The following ST3GAL3 variants were observed in gnomAD, a reference collection of about 807,000 sequenced individuals.
The protein encoded by ST3GAL3 is ST3 beta-galactoside alpha-2,3-sialyltransferase 3.
A neutral mutation model predicts 50.1 loss-of-function variants in ST3GAL3; 21 were observed. That is an observed-to-expected ratio of 0.42 (90% CI 0.30 to 0.60). ST3GAL3 has a LOEUF of 0.60. ST3GAL3 is among the 20% of genes least tolerant of loss of function. The probability of loss-of-function intolerance (pLI) is 0.19; values close to 1 mark genes in which losing one functional copy is unlikely to be tolerated. For synonymous variants in ST3GAL3, 183 were observed against 190.0 expected (o/e 0.96, Z 0.30); for missense variants, 353 against 489.4 (o/e 0.72, Z 2.63).
At chr1:43,733,680 G>A (rs1326833908) in intron 1 of ST3GAL3, among the ~76,000 whole-genome samples, 2 of 152,092 alleles carry the variant, frequency 1.3e-5, no homozygotes, top group East Asian at 1.9e-4. Context: ...AAATTTCTTG[G>A]CCCTTCTTGG....
chr1:43,928,490 C>G (rs1474148697), intron 11 of ST3GAL3, among the ~76,000 whole-genome samples: 1 of 152,122 alleles, frequency 6.6e-6, no homozygotes, highest in Non-Finnish European at 1.5e-5. Flanking sequence ...GTTCCAGCTA[C>G]TCAGATGACT....
intron 2 of ST3GAL3, among the ~76,000 whole-genome samples, chr1:43,773,762 A>G (rs1696188798): frequency 6.6e-6 from 1 of 152,196 alleles, no homozygotes. Flanking sequence ...TAATTATTTA[A>G]TAATTAACTT....
chr1:43,719,497 G>A (rs6693799), intron 1 of ST3GAL3, among the ~76,000 whole-genome samples: 64,327 of 151,612 alleles, frequency 0.42, 13,879 homozygotes, highest in East Asian at 0.49. Flanking sequence ...CCTCGTCTCT[G>A]CTAAAATACA....
chr1:43,892,983 T>G (rs1018074910), intron 5 of ST3GAL3, among the ~76,000 whole-genome samples: 1 of 152,186 alleles, frequency 6.6e-6, no homozygotes, highest in Non-Finnish European at 1.5e-5. Flanking sequence ...CATGGGGTGG[T>G]AGTGGGAGTG....
chr1:43,845,706 G>GT (rs779298669), intron 5 of ST3GAL3, among the ~76,000 whole-genome samples: 24 of 146,994 alleles, frequency 1.6e-4, no homozygotes, highest in African/African-American at 2.5e-4. Context: ...TTTATTATTT[G>GT]TTTTTTTTTC....
intron 1 of ST3GAL3, among the ~76,000 whole-genome samples, chr1:43,722,107 G>A (rs926773339): frequency 2.6e-5 from 4 of 152,204 alleles, no homozygotes; most frequent in Non-Finnish European, 4.4e-5. Flanking sequence ...ATATGGGTGT[G>A]GTAGGACTAT....
At position 43,930,292 on chromosome 1, in the gene ST3GAL3, G is replaced by A; in HGVS notation, c.*71G>A. 6.9e-7 allele frequency: 1 copy of A among 1,453,522 alleles called. No homozygotes were observed. Among genetic ancestry groups the A allele is most frequent in the Non-Finnish European group, 9.6e-7 (1 of 1,039,426 alleles). 90.0% of individuals were successfully genotyped at this position (1,453,522 alleles called of 1,614,324 possible). ...AGCAGCCAGCACCACCTACACAGGA[G>A]TCTTCAGACCCAGAGAAGGACGGTG... is the stretch of plus-strand genomic sequence containing the variant. On this transcript the variant is annotated 3_prime_UTR_variant, in exon 12 of 12. Transcript: ENST00000347631.
chr1:43,756,546 A>G (rs1688194249), intron 2 of ST3GAL3, among the ~76,000 whole-genome samples: 1 of 81,758 alleles, frequency 1.2e-5, no homozygotes, highest in African/African-American at 4.3e-5. Context: ...TATGTATTGT[A>G]TACACACACA....
chr1:43,780,112 G>GAA (rs1698882724), intron 2 of ST3GAL3, among the ~76,000 whole-genome samples: 2 of 152,066 alleles, frequency 1.3e-5, no homozygotes, highest in South Asian at 4.1e-4. Context: ...GATTTCCTGA[G>GAA]AAAGGATACA....
chr1:43,857,224 C>T (rs1466118803), intron 5 of ST3GAL3, among the ~76,000 whole-genome samples: 1 of 152,172 alleles, frequency 6.6e-6, no homozygotes, highest in Non-Finnish European at 1.5e-5. Context: ...AGTTTGGAAC[C>T]TGTTGTGTGC....
chr1:43,898,478 C>A, intron 7 of ST3GAL3, 180 bp downstream of exon 7: 1 of 685,174 alleles, frequency 1.5e-6, no homozygotes. Flanking sequence ...TGACTTGCAC[C>A]CCCACGGGCT....
chr1:43,817,794 C>T (rs139855030), intron 4 of ST3GAL3, among the ~76,000 whole-genome samples: 32,258 of 102,408 alleles, frequency 0.31, 6,191 homozygotes, highest in East Asian at 0.53. Context: ...TTCTCCTCCT[C>T]CTTCTCCTCC....
intron 5 of ST3GAL3, among the ~76,000 whole-genome samples, chr1:43,844,743 C>T (rs545777549): frequency 1.1e-4 from 17 of 151,716 alleles, no homozygotes; most frequent in African/African-American, 3.6e-4. Flanking sequence ...AGGAGAATGG[C>T]GTGAACCCGG....
chr1:43,798,717 T>G (rs968372309), intron 3 of ST3GAL3, among the ~76,000 whole-genome samples: 1 of 152,246 alleles, frequency 6.6e-6, no homozygotes, highest in Non-Finnish European at 1.5e-5. Flanking sequence ...GCATGCCTCC[T>G]TCCTTCAAAC....
intron 2 of ST3GAL3, among the ~76,000 whole-genome samples, chr1:43,761,873 C>A (rs1308761548): frequency 6.7e-6 from 1 of 149,016 alleles, no homozygotes; most frequent in African/African-American, 2.5e-5. Flanking sequence ...ATAGCGTGAA[C>A]CCAGGAGGCG....
intron 2 of ST3GAL3, chr1:43,772,658 T>A (rs1695729840): frequency 6.6e-6 from 1 of 150,948 alleles, no homozygotes; most frequent in Non-Finnish European, 1.5e-5. Context: ...TTGCAGTGAT[T>A]TTTTTTTTAG....
chr1:43,784,431 C>T (rs1475875051), intron 2 of ST3GAL3, among the ~76,000 whole-genome samples: 4 of 152,146 alleles, frequency 2.6e-5, no homozygotes, highest in Non-Finnish European at 4.4e-5. Flanking sequence ...ATCGCTTGAA[C>T]CTGGGAGGCA....
intron 5 of ST3GAL3, among the ~76,000 whole-genome samples, chr1:43,872,866 C>A (rs1175898820): frequency 6.6e-6 from 1 of 152,084 alleles, no homozygotes; most frequent in African/African-American, 2.4e-5. Context: ...GGGAAGGTGA[C>A]ATTTAAGTAA....
chr1:43,870,757 G>C (rs978038585), intron 5 of ST3GAL3, among the ~76,000 whole-genome samples: 1 of 152,102 alleles, frequency 6.6e-6, no homozygotes, highest in East Asian at 1.9e-4. Flanking sequence ...TTGAAGCTAG[G>C]GGGAGACATG....
Sources: allele counts gnomAD v4.1 joint callset (sites outside exome capture counted in the v4.1 genomes callset), GRCh38; gene constraint gnomAD v4.1.1; transcripts MANE v1.5; gene names NCBI Gene and HGNC (gene_info 2026-07-23, HGNC 2026-07-21).